The following ERCC8 variants were observed in gnomAD, a reference collection of about 807,000 sequenced individuals.
The protein encoded by ERCC8 is DNA excision repair protein ERCC-8.
ERCC8 carries 52 observed loss-of-function variants against 54.9 expected under a neutral mutation model. That is an observed-to-expected ratio of 0.95 (90% CI 0.76 to 1.19). The LOEUF is 1.19. ERCC8 is among the 50% of genes most tolerant of loss of function. ERCC8 has a pLI of 0.00. For synonymous variants in ERCC8, 146 were observed against 157.2 expected (o/e 0.93, Z 0.53); for missense variants, 514 against 466.1 (o/e 1.10, Z -0.95).
intron 11 of ERCC8, among the ~76,000 whole-genome samples, chr5:60,880,192 C>G (rs1205456143): frequency 6.6e-6 from 1 of 152,154 alleles, no homozygotes; most frequent in African/African-American, 2.4e-5. Context: ...TGAATATTGG[C>G]CCCCACTCTC....
At chr5:60,903,867 T>C (rs887222595) in intron 5 of ERCC8, 151 bp from the exon 6 acceptor site, 5 of 756,400 alleles carry the variant, frequency 6.6e-6, no homozygotes, top group Non-Finnish European at 1.1e-5. Flanking sequence ...TTTTAATGTT[T>C]ACATTTAGAA....
At chr5:60,927,805 G>T (rs1749795260) in intron 2 of ERCC8, among the ~76,000 whole-genome samples, 1 of 152,152 alleles carries the variant, frequency 6.6e-6, no homozygotes, top group Admixed American at 6.5e-5. Context: ...AAAAAGAAAA[G>T]AATTATTACT....
intron 8 of ERCC8, 95 bp downstream of exon 8, chr5:60,899,532 T>C (rs1366809632): frequency 1.1e-6 from 1 of 871,524 alleles, no homozygotes; most frequent in African/African-American, 1.7e-5. Flanking sequence ...AAGTTTGCAA[T>C]TTGTCAATAT....
chr5:60,879,536 T>C (rs1205267102), intron 11 of ERCC8, among the ~76,000 whole-genome samples: 1 of 152,252 alleles, frequency 6.6e-6, no homozygotes, highest in Non-Finnish European at 1.5e-5. Context: ...GGACTTGTTT[T>C]ATGAATCTGG....
At chr5:60,906,764 A>C (rs151015369) in intron 4 of ERCC8, among the ~76,000 whole-genome samples, 3 of 151,280 alleles carry the variant, frequency 2.0e-5, no homozygotes, top group Admixed American at 6.6e-5. Context: ...TAAATAAACA[A>C]ATACATACAT....
intron 2 of ERCC8, among the ~76,000 whole-genome samples, chr5:60,926,307 A>C (rs1161094639): frequency 2.0e-5 from 3 of 152,156 alleles, no homozygotes; most frequent in Non-Finnish European, 2.9e-5. Context: ...TTCACTGAGA[A>C]TGTCTTGTTA....
At chr5:60,883,460 T>C (rs1311032415) in intron 11 of ERCC8, among the ~76,000 whole-genome samples, 3 of 152,174 alleles carry the variant, frequency 2.0e-5, no homozygotes, top group Non-Finnish European at 2.9e-5. Context: ...CATCTATATC[T>C]CACCAGGTTG....
intron 2 of ERCC8, among the ~76,000 whole-genome samples, chr5:60,923,100 C>A (rs4647072): frequency 4.0e-4 from 60 of 150,904 alleles, no homozygotes; most frequent in South Asian, 1.7e-3. Flanking sequence ...ACCACTGAAG[C>A]CTTACTTTTG....
intron 10 of ERCC8, among the ~76,000 whole-genome samples, chr5:60,888,454 G>A (rs4647126): frequency 6.6e-6 from 1 of 152,170 alleles, no homozygotes; most frequent in African/African-American, 2.4e-5. Flanking sequence ...GCCAGGTAAT[G>A]CGCAAGATAA....
chr5:60,929,834 C>G (rs185592642), intron 1 of ERCC8, among the ~76,000 whole-genome samples: 1 of 152,234 alleles, frequency 6.6e-6, no homozygotes, highest in Non-Finnish European at 1.5e-5. Context: ...CTATTTGAAT[C>G]TCTCTTAATC....
At chr5:60,918,929 T>A (rs146500576) in intron 3 of ERCC8, among the ~76,000 whole-genome samples, 1 of 152,022 alleles carries the variant, frequency 6.6e-6, no homozygotes, top group Admixed American at 6.6e-5. Context: ...AAACATAACA[T>A]GTTGAAGACT....
At position 60,866,466 on chromosome 5, in the gene ERCC8, T is replaced by G. The variant is rs1177574472; in HGVS notation, c.*8149A>C. ...TCTATTGGCTGAGTGATTCTTATAT[T>G]TCAGAACTTTATTTCATTTATTCTT... On this transcript the variant is annotated 3_prime_UTR_variant, in exon 12 of 12. Coordinates refer to ENST00000676185, the MANE Select transcript of ERCC8 (RefSeq NM_000082.4). 1 of 152,174 alleles carries G rather than the reference T, an allele frequency of 6.6e-6. No homozygotes were observed. Among genetic ancestry groups the G allele is most frequent in the Admixed American group, 6.5e-5 (1 of 15,282 alleles). 9.4% of individuals were successfully genotyped at this position (152,174 alleles called of 1,614,324 possible). A position where few individuals can be genotyped will look rare whatever the true frequency, so the allele number is the denominator to read the frequency against.
In ERCC8 at chr5:60,902,458, T is replaced by C. The variant is rs1748929201; in HGVS notation, c.601A>G (p.Ile201Val). The C allele has an allele frequency of 1.2e-6, 2 of 1,612,168 alleles. No homozygotes were observed. The highest frequency in any genetic ancestry group is 1.7e-6 in the Non-Finnish European group (2 of 1,178,544). Residue 201 changes from isoleucine to valine, a missense_variant, in exon 7 of 12, where the codon ATC becomes GTC. Physicochemically the swap from Ile to Val is conservative, Grantham distance 29 (BLOSUM62 3). Transcript: ENST00000676185. The stretch of plus-strand genomic sequence containing the variant: ...AAATTTTACCTTGCTGTTGCCAAGA[T>C]ATAGTCATAACGTGGAGACCAGGAA... ...AVSWSPRYDY[I>V]LATASADSRV...
In ERCC8 at chr5:60,883,004, CAT is replaced by C. The variant is rs1491092742; in HGVS notation, c.1122+4434_1122+4435del. 8.9e-3 allele frequency among the ~76,000 whole-genome samples: 1,305 copies of C among 146,798 alleles called. 15 individuals are homozygous for C. The highest frequency in any genetic ancestry group is 0.021 in the African/African-American group (794 of 37,398). The stretch of plus-strand genomic sequence containing the variant: ...ACACACACACACACACACACACACA[CAT>C]GTCTGTAGGTGGATAAGCCACATGA... On this transcript the variant is annotated intron_variant, in intron 11 of 11. Coordinates refer to ENST00000676185, the MANE Select transcript of ERCC8 (RefSeq NM_000082.4).
At chr5:60,910,238 G>A (rs990485238) in intron 4 of ERCC8, among the ~76,000 whole-genome samples, 2 of 152,124 alleles carry the variant, frequency 1.3e-5, no homozygotes, top group African/African-American at 4.8e-5. Flanking sequence ...CAGTTCCACT[G>A]TATGGTGTTT....
intron 9 of ERCC8, chr5:60,893,484 T>C (rs1242337722): frequency 6.5e-6 from 6 of 917,284 alleles, no homozygotes; most frequent in Non-Finnish European, 1.1e-5. Context: ...GAGGGCACTT[T>C]GGAGGTTGCT....
chr5:60,902,296 G>T (rs1180194046), intron 7 of ERCC8, 146 bp downstream of exon 7: 2 of 649,136 alleles, frequency 3.1e-6, no homozygotes, highest in Non-Finnish European at 5.3e-6. Context: ...TTGGTGACAT[G>T]AATTAAAATT....
chr5:60,939,139 ACCT>A (rs917445992), intron 1 of ERCC8, among the ~76,000 whole-genome samples: 8 of 152,038 alleles, frequency 5.3e-5, no homozygotes, highest in African/African-American at 1.9e-4. Flanking sequence ...TTCTTCTTTT[ACCT>A]TTACTTTTGC....
At chr5:60,905,216 G>A (rs1231150233) in intron 4 of ERCC8, among the ~76,000 whole-genome samples, 2 of 152,142 alleles carry the variant, frequency 1.3e-5, no homozygotes, top group Non-Finnish European at 2.9e-5. Flanking sequence ...TCTCAGTTCC[G>A]TATAACCTGA....
Sources: gnomAD v4.1 joint callset for allele counts (sites outside exome capture counted in the v4.1 genomes callset) on GRCh38, gnomAD v4.1.1 for gene constraint, MANE v1.5 for transcripts, NCBI Gene and HGNC (gene_info 2026-07-23, HGNC 2026-07-21) for gene names.